UBE2R2: variants seen among roughly 807,000 people sequenced by gnomAD.
UBE2R2 encodes the protein ubiquitin conjugating enzyme E2 R2.
UBE2R2 carries 1 observed loss-of-function variant against 27.8 expected under a neutral mutation model. That is an observed-to-expected ratio of 0.04 (90% CI 0.01 to 0.17). The LOEUF (loss-of-function observed/expected upper bound fraction) is 0.17. Among genes scored for constraint, UBE2R2 ranks in the 10% least tolerant of loss-of-function variants. The probability of loss-of-function intolerance (pLI) is 1.00; values close to 1 mark genes in which losing one functional copy is unlikely to be tolerated. For missense variants in UBE2R2, 100 were observed against 291.0 expected (o/e 0.34, Z 4.78); for synonymous variants, 106 against 113.3 (o/e 0.94, Z 0.41).
intron 1 of UBE2R2, 99 bp downstream of exon 1, chr9:33,818,033 G>A: frequency 7.2e-7 from 1 of 1,395,568 alleles, no homozygotes; most frequent in Non-Finnish European, 9.6e-7. Flanking sequence ...GAGCACGGGC[G>A]AGTGGAGGGG....
At chr9:33,823,457 C>T (rs1587422914) in intron 1 of UBE2R2, among the ~76,000 whole-genome samples, 1 of 152,018 alleles carries the variant, frequency 6.6e-6, no homozygotes, top group South Asian at 2.1e-4. Flanking sequence ...CTCACTGCAA[C>T]CTCTGCCTCC....
chr9:33,851,694 C>T (rs1266961380), intron 1 of UBE2R2, among the ~76,000 whole-genome samples: 1 of 152,080 alleles, frequency 6.6e-6, no homozygotes, highest in Non-Finnish European at 1.5e-5. Flanking sequence ...GTTACTTTTT[C>T]CTTGTAATTC....
chr9:33,822,426 C>CT lies in UBE2R2; in HGVS notation c.177+4508dup, dbSNP rs11309053. Among the ~76,000 whole-genome samples the CT allele has an allele frequency of 7.2e-3, 962 of 133,748 alleles. 2 individuals are homozygous for CT. The highest frequency in any genetic ancestry group is 0.014 in the Middle Eastern group (3 of 220). The allele number at this position is 133,748 out of a possible 152,430, so 87.7% of individuals were successfully genotyped here. ...TTACATTAAAGAAACTCTTCAAAAC[C>CT]TTTTTTTTTTTTTTTTAAGAGATAG... On this transcript the variant is annotated intron_variant, in intron 1 of 4. Transcript: ENST00000263228.
At chr9:33,898,572 A>G (rs1822175407) in intron 2 of UBE2R2, among the ~76,000 whole-genome samples, 1 of 152,184 alleles carries the variant, frequency 6.6e-6, no homozygotes, top group African/African-American at 2.4e-5. Context: ...TGCACTTTAT[A>G]TAGTTATACC....
intron 4 of UBE2R2, 140 bp from the exon 5 acceptor site, chr9:33,916,878 G>A (rs1218059044): frequency 7.5e-7 from 1 of 1,334,756 alleles, no homozygotes; most frequent in Non-Finnish European, 1.0e-6. Flanking sequence ...TGTAGTACAG[G>A]GTATCTGTCA....
chr9:33,859,871 AT>A (rs1256121777), intron 1 of UBE2R2, among the ~76,000 whole-genome samples: 2 of 150,792 alleles, frequency 1.3e-5, no homozygotes, highest in African/African-American at 4.9e-5. Context: ...CAGTGGTGCA[AT>A]CAGGGCTCAC....
chr9:33,827,369 C>T (rs988659857), intron 1 of UBE2R2, among the ~76,000 whole-genome samples: 11 of 152,028 alleles, frequency 7.2e-5, no homozygotes, highest in Admixed American at 3.9e-4. Context: ...GGCTGGGCAC[C>T]GTGGCTCACG....
intron 1 of UBE2R2, among the ~76,000 whole-genome samples, chr9:33,864,764 G>T (rs984046562): frequency 3.7e-5 from 5 of 135,232 alleles, no homozygotes; most frequent in African/African-American, 5.5e-5. Context: ...CACTCTTGTT[G>T]CCCAGGCTGG....
intron 3 of UBE2R2, among the ~76,000 whole-genome samples, chr9:33,906,763 G>A (rs1013907589): frequency 8.5e-5 from 13 of 152,104 alleles, no homozygotes; most frequent in Admixed American, 2.0e-4. Flanking sequence ...TAGGCCAGGC[G>A]CAGTGGCTCA....
upstream of UBE2R2, among the ~76,000 whole-genome samples, chr9:33,816,044 A>T (rs1399217068): frequency 6.6e-6 from 1 of 152,152 alleles, no homozygotes; most frequent in Non-Finnish European, 1.5e-5. Flanking sequence ...ACTGTGCTAC[A>T]GCCTGGGTGA....
intron 1 of UBE2R2, among the ~76,000 whole-genome samples, chr9:33,853,613 A>T (rs1203695942): frequency 6.6e-6 from 1 of 151,644 alleles, no homozygotes; most frequent in Non-Finnish European, 1.5e-5. Flanking sequence ...TCTATTACAT[A>T]TTCTTACCAT....
At chr9:33,913,571 C>G (rs1344583434) in intron 4 of UBE2R2, among the ~76,000 whole-genome samples, 1 of 152,100 alleles carries the variant, frequency 6.6e-6, no homozygotes, top group East Asian at 1.9e-4. Context: ...CTCCACCCCC[C>G]TTGATATTAC....
At chr9:33,825,012 C>T (rs778961753) in intron 1 of UBE2R2, among the ~76,000 whole-genome samples, 33 of 152,004 alleles carry the variant, frequency 2.2e-4, no homozygotes, top group Admixed American at 3.3e-4. Flanking sequence ...TAATACTCTG[C>T]GTTGATTCTC....
At position 33,817,586 on chromosome 9, in the gene UBE2R2, C is replaced by T; in HGVS notation, c.-172C>T. 4 of 673,452 alleles carry T rather than the reference C, an allele frequency of 5.9e-6. No individual in the cohort carries two copies. Among genetic ancestry groups the T allele is most frequent in the Non-Finnish European group, 5.7e-6 (3 of 525,052 alleles). 41.7% of individuals were successfully genotyped at this position (673,452 alleles called of 1,614,324 possible). On this transcript the variant is annotated 5_prime_UTR_variant, in exon 1 of 5. Coordinates refer to ENST00000263228, the MANE Select transcript of UBE2R2 (RefSeq NM_017811.4). Reference sequence around the variant, plus strand: ...CCTGCGTCGTGTGTGAGGAGGACCCCGGGCGGGCCCACGGGCCGTGTGGGG... The same window carrying T: ...CCTGCGTCGTGTGTGAGGAGGACCCTGGGCGGGCCCACGGGCCGTGTGGGG...
chr9:33,900,053 G>A (rs961197782), intron 2 of UBE2R2, 121 bp from the exon 3 acceptor site: 13 of 634,024 alleles, frequency 2.1e-5, no homozygotes, highest in Non-Finnish European at 3.6e-5. Flanking sequence ...ATAAAAAGCA[G>A]AATTGTTTTC....
chr9:33,890,273 A>G (rs1360020326), intron 2 of UBE2R2, among the ~76,000 whole-genome samples: 1 of 152,072 alleles, frequency 6.6e-6, no homozygotes, highest in Non-Finnish European at 1.5e-5. Flanking sequence ...TATTTTTCAC[A>G]CACAAATGTT....
intron 1 of UBE2R2, among the ~76,000 whole-genome samples, chr9:33,862,050 TCACTATGTTGGC>T (rs1821252179): frequency 6.6e-6 from 1 of 151,914 alleles, no homozygotes; most frequent in African/African-American, 2.4e-5. Context: ...AGACAGGGTT[TCACTATGTTGGC>T]CAGGCTGATC....
chr9:33,874,202 G>A (rs1331604092), intron 1 of UBE2R2, among the ~76,000 whole-genome samples: 3 of 151,628 alleles, frequency 2.0e-5, no homozygotes, highest in African/African-American at 7.3e-5. Context: ...CCTGCCTCGG[G>A]CTCCCAAAGT....
chr9:33,852,358 T>A (rs73488975), intron 1 of UBE2R2, among the ~76,000 whole-genome samples: 1,794 of 152,278 alleles, frequency 0.012, 36 homozygotes, highest in African/African-American at 0.04. Flanking sequence ...GGCCCGGAGT[T>A]ACAGGAATCC....
Sources: allele counts gnomAD v4.1 joint callset (sites outside exome capture counted in the v4.1 genomes callset), GRCh38; gene constraint gnomAD v4.1.1; transcripts MANE v1.5; gene names NCBI Gene and HGNC (gene_info 2026-07-23, HGNC 2026-07-21).